Variants in SLC6A15 observed in about 807,000 individuals in gnomAD.
SLC6A15 encodes sodium-dependent neutral amino acid transporter B(0)AT2.
SLC6A15 carries 33 observed loss-of-function variants against 68.5 expected under a neutral mutation model. The observed-to-expected ratio is 0.48, with a 90% CI of 0.37 to 0.64. The LOEUF (loss-of-function observed/expected upper bound fraction) is 0.64. Ranked by LOEUF, SLC6A15 falls within the 30% of genes least tolerant of loss-of-function variation. SLC6A15 has a pLI of 0.00. For synonymous variants in SLC6A15, 347 were observed against 301.0 expected (o/e 1.15, Z -1.58); for missense variants, 747 against 874.3 (o/e 0.85, Z 1.84).
intron 9 of SLC6A15, among the ~76,000 whole-genome samples, chr12:84,868,181 G>A (rs1871139354): frequency 6.6e-6 from 1 of 152,162 alleles, no homozygotes; most frequent in African/African-American, 2.4e-5. Flanking sequence ...TACTATACTA[G>A]TGCTGTGAGT....
In SLC6A15 at chr12:84,892,154, A is replaced by C. The variant is rs769547997; in HGVS notation, c.-34T>G. ...ATGCGAAGTATTTAAAAAAAAAAAA[A>C]AAAACTCCCTTATGGCAAATGTGTT... On this transcript the variant is annotated 5_prime_UTR_variant, in exon 2 of 12. Transcript: ENST00000266682. The C allele has an allele frequency of 3.2e-6, 5 of 1,546,148 alleles. No individual in the cohort carries two copies. Among genetic ancestry groups the C allele is most frequent in the Non-Finnish European group, 4.3e-6 (5 of 1,151,802 alleles).
chr12:84,875,699 TGAG>T lies in SLC6A15; in HGVS notation c.867+795_867+797del, dbSNP rs1287528764. ...ATATATATATATATATATATATATA[TGAG>T]AATCAAAAACGTGGTCCCTGTTAAA... On this transcript the variant is annotated intron_variant, in intron 6 of 11. Transcript: ENST00000266682. Among the ~76,000 whole-genome samples the T allele has an allele frequency of 1.9e-3, 26 of 13,920 alleles. 4 individuals are homozygous for T. Among genetic ancestry groups the T allele is most frequent in the Non-Finnish European group, 2.5e-3 (22 of 8,628 alleles). The allele number at this position is 13,920 out of a possible 152,430, so 9.1% of individuals were successfully genotyped here. A position where few individuals can be genotyped will look rare whatever the true frequency, so the allele number is the denominator to read the frequency against.
chr12:84,887,074 G>T (rs989895172), intron 2 of SLC6A15, among the ~76,000 whole-genome samples: 1 of 152,042 alleles, frequency 6.6e-6, no homozygotes, highest in Admixed American at 6.5e-5. Context: ...TGTGGAGGTC[G>T]TTCCTACATG....
chr12:84,870,845 AT>A (rs1160021257), intron 8 of SLC6A15, among the ~76,000 whole-genome samples, 175 bp from the exon 9 acceptor site: 1 of 152,294 alleles, frequency 6.6e-6, no homozygotes, highest in Non-Finnish European at 1.5e-5. Flanking sequence ...CAGAACCTGG[AT>A]TTAATTAGAT....
chr12:84,906,278 A>C (rs958287760), intron 1 of SLC6A15, among the ~76,000 whole-genome samples: 1 of 152,188 alleles, frequency 6.6e-6, no homozygotes, highest in African/African-American at 2.4e-5. Flanking sequence ...AGTGCTGATA[A>C]AGTAAATGAA....
intron 10 of SLC6A15, among the ~76,000 whole-genome samples, chr12:84,865,969 A>G (rs73375389): frequency 0.019 from 2,946 of 152,320 alleles, 80 homozygotes; most frequent in African/African-American, 0.067. Flanking sequence ...TGATTGCTGG[A>G]TTATACACTA....
rs7967420 is a variant in SLC6A15 at position 84,873,079 on chromosome 12, A to G, written c.1109+8T>C. On this transcript the variant is annotated splice_region_variant and intron_variant, in intron 7 of 11. Transcript: ENST00000266682. ...AGAAAAAAGGCAAATGGAAATTAATATTCATACTGTGTAATGCATTTCTCA... is the reference window on the plus strand; with the variant it reads ...AGAAAAAAGGCAAATGGAAATTAATGTTCATACTGTGTAATGCATTTCTCA... 78,785 of 1,611,444 alleles carry G rather than the reference A, an allele frequency of 0.049. 2,324 individuals are homozygous for G. Among genetic ancestry groups the G allele is most frequent in the Non-Finnish European group, 0.056 (65,452 of 1,179,086 alleles).
chr12:84,872,848 T>C, intron 7 of SLC6A15, 54 bp from the exon 8 acceptor site: 13 of 1,409,860 alleles, frequency 9.2e-6, no homozygotes, highest in Non-Finnish European at 1.3e-5. Context: ...TGGTGTATAG[T>C]TTGTGAACGA....
intron 1 of SLC6A15, among the ~76,000 whole-genome samples, chr12:84,906,519 C>T (rs1307447256): frequency 6.6e-6 from 1 of 152,078 alleles, no homozygotes; most frequent in Non-Finnish European, 1.5e-5. Flanking sequence ...ATGATTCTAT[C>T]GAATTTTGTG....
At chr12:84,911,382 C>T (rs954958617) in intron 1 of SLC6A15, among the ~76,000 whole-genome samples, 3 of 152,092 alleles carry the variant, frequency 2.0e-5, no homozygotes, top group African/African-American at 7.2e-5. Flanking sequence ...CAGAAGAAAC[C>T]GTCGCAGACT....
chr12:84,861,667 C>T lies in SLC6A15; in HGVS notation c.2158G>A (p.Asp720Asn), dbSNP rs148525978. The change falls in exon 12 of 12, where the codon GAT becomes AAT. Residue 720 changes from aspartate (D) to asparagine (N), a missense_variant. Physicochemically the swap from Asp to Asn is conservative, Grantham distance 23. Transcript: ENST00000266682. The stretch of plus-strand genomic sequence containing the variant: ...GATTCTGGCATATCTGGCATAATAT[C>T]TGCCATCAAGTACCCTATTCCATAC... ...GRYGIGYLMADIMPDMPESDL is the reference protein window; with the variant it reads ...GRYGIGYLMANIMPDMPESDL The T allele has an allele frequency of 1.4e-5, 23 of 1,604,732 alleles. No individual in the cohort carries two copies. The African/African-American group carries it at 2.8e-4, about 20-fold the overall frequency.
chr12:84,861,796 T>G lies in SLC6A15; in HGVS notation c.2029A>C (p.Ile677Leu), dbSNP rs976198490. The change falls in exon 12 of 12, where the codon ATT (isoleucine) becomes CTT (leucine). Residue 677 changes from isoleucine (I) to leucine (L), a missense_variant. Coordinates refer to ENST00000266682, the MANE Select transcript of SLC6A15 (RefSeq NM_182767.6). ...VNLEGDDTSL[I>L]HGKIPSEMPS... ...ATCTCGCTCGGTATTTTTCCGTGAATGAGGCTTGTATCATCGCCCTCTAAG... is the reference window on the plus strand; with the variant it reads ...ATCTCGCTCGGTATTTTTCCGTGAAGGAGGCTTGTATCATCGCCCTCTAAG... 1.2e-6 allele frequency: 2 copies of G among 1,613,910 alleles called. No homozygotes were observed. The highest frequency in any genetic ancestry group is 2.7e-5 in the African/African-American group (2 of 74,920).
At chr12:84,870,951 T>C (rs1292688985) in intron 8 of SLC6A15, among the ~76,000 whole-genome samples, 1 of 152,120 alleles carries the variant, frequency 6.6e-6, no homozygotes, top group African/African-American at 2.4e-5. Flanking sequence ...GCTCCTAGAA[T>C]GAAAAACTAT....
At chr12:84,877,113 A>C (rs566483242) in intron 5 of SLC6A15, among the ~76,000 whole-genome samples, 1 of 152,342 alleles carries the variant, frequency 6.6e-6, no homozygotes, top group Admixed American at 6.5e-5. Context: ...CCGCTTCAGC[A>C]ATTTTCACTG....
In SLC6A15 at chr12:84,861,464, T is replaced by C. The variant is rs112756234; in HGVS notation, c.*168A>G. The stretch of plus-strand genomic sequence containing the variant: ...TTCTGCACAAATGTAAACCAAAGAA[T>C]CCAAAAGAATGCTCAAGTTGAACTG... On this transcript the variant is annotated 3_prime_UTR_variant, in exon 12 of 12. Coordinates refer to ENST00000266682, the MANE Select transcript of SLC6A15 (RefSeq NM_182767.6). 4.3e-6 allele frequency: 3 copies of C among 693,962 alleles called. No homozygotes were observed. The highest frequency in any genetic ancestry group is 3.5e-5 in the African/African-American group (2 of 56,418). 43.0% of individuals were successfully genotyped at this position (693,962 alleles called of 1,614,324 possible).
rs1410147974 is a variant in SLC6A15 at position 84,860,072 on chromosome 12, T to A, written c.*1560A>T. On this transcript the variant is annotated 3_prime_UTR_variant, in exon 12 of 12. Transcript: ENST00000266682. ...TACAAACACAATATTCATGAATATA[T>A]TTTAAAAGACTAAAAATTTATGCAC... 6.6e-6 allele frequency: 1 copy of A among 152,084 alleles called. No individual in the cohort carries two copies. The highest frequency in any genetic ancestry group is 2.4e-5 in the African/African-American group (1 of 41,454). The allele number at this position is 152,084 out of a possible 1,614,324, so 9.4% of individuals were successfully genotyped here.
At chr12:84,869,988 T>C (rs1215782696) in intron 9 of SLC6A15, among the ~76,000 whole-genome samples, 3 of 152,048 alleles carry the variant, frequency 2.0e-5, no homozygotes, top group Non-Finnish European at 2.9e-5. Context: ...TATTGATAAA[T>C]TGTTTTATTT....
At chr12:84,864,695 A>G (rs1250507177) in intron 10 of SLC6A15, among the ~76,000 whole-genome samples, 3 of 152,234 alleles carry the variant, frequency 2.0e-5, no homozygotes, top group East Asian at 3.9e-4. Flanking sequence ...GACATCTTCA[A>G]TGTAAGAATT....
intron 5 of SLC6A15, among the ~76,000 whole-genome samples, chr12:84,877,878 G>C (rs988130263): frequency 1.3e-5 from 2 of 151,984 alleles, no homozygotes; most frequent in Non-Finnish European, 2.9e-5. Context: ...AGCTAGTAAG[G>C]GTAAAGATAT....
Sources: allele counts gnomAD v4.1 joint callset (sites outside exome capture counted in the v4.1 genomes callset), GRCh38; gene constraint gnomAD v4.1.1; transcripts MANE v1.5; gene names NCBI Gene and HGNC (gene_info 2026-07-23, HGNC 2026-07-21).